Variants in ERCC3 observed in about 807,000 individuals in gnomAD.
ERCC3 encodes the protein general transcription and DNA repair factor IIH helicase/translocase subunit XPB.
Under a neutral mutation model 94.2 loss-of-function variants are expected in ERCC3, and 66 were observed. The ratio of observed to expected loss-of-function variants is 0.70; its 90% confidence interval spans 0.57 to 0.86. The LOEUF is 0.86. ERCC3 is among the 40% of genes least tolerant of loss of function. The pLI is 0.00. For missense variants in ERCC3, 829 were observed against 987.1 expected, an observed-to-expected ratio of 0.84 and a Z score of 2.15; for synonymous variants, 349 against 369.1, an observed-to-expected ratio of 0.95 and a Z score of 0.63.
chr2:127,280,406 G>A lies in ERCC3; in HGVS notation c.1527+41C>T. 1 of 1,569,104 alleles carries A rather than the reference G, an allele frequency of 6.4e-7. No individual in the cohort carries two copies. The highest frequency in any genetic ancestry group is 8.7e-7 in the Non-Finnish European group (1 of 1,149,224). ...TCTGATCACTCCCCTGCCCATAGGA[G>A]GAGGCCCTTTCCCAGACGCCCCCAG... is the stretch of plus-strand genomic sequence containing the variant. On this transcript the variant is annotated intron_variant, in intron 9 of 14. Transcript: ENST00000285398. This position sits in a 1 kb window ranked among gnomAD's most constrained non-coding sequence, Gnocchi z 6.3.
At chr2:127,293,863 C>G (rs1334193128) in intron 1 of ERCC3, 145 bp from the exon 2 acceptor site, 1 of 1,549,292 alleles carries the variant, frequency 6.5e-7, no homozygotes, top group East Asian at 2.4e-5. Context: ...TCACCCGTCT[C>G]CCCTAGGCCG....
At chr2:127,290,424 T>A in intron 3 of ERCC3, 151 bp from the exon 4 acceptor site, 1 of 712,802 alleles carries the variant, frequency 1.4e-6, no homozygotes, top group Non-Finnish European at 2.6e-6. Context: ...CAGATGTGCC[T>A]AAACTGAGCT....
In ERCC3 at chr2:127,280,720, T is replaced by G; in HGVS notation, c.1343-89A>C. On this transcript the variant is annotated intron_variant, in intron 8 of 14. Coordinates refer to ENST00000285398, the MANE Select transcript of ERCC3 (RefSeq NM_000122.2). This position sits in a 1 kb window ranked among gnomAD's most constrained non-coding sequence, Gnocchi z 6.3. The stretch of plus-strand genomic sequence containing the variant: ...TAAAATATTTTTTGTAGAGATGGGG[T>G]CTCATTATATTGCCCAGGCTGGTCT... The G allele has an allele frequency of 8.3e-7, 1 of 1,199,080 alleles. No homozygotes were observed. The highest frequency in any genetic ancestry group is 1.2e-6 in the Non-Finnish European group (1 of 835,210). The allele number at this position is 1,199,080 out of a possible 1,614,324, so 74.3% of individuals were successfully genotyped here.
Position 127,264,910 on chromosome 2 carries a change from C to T in ERCC3, c.1946-3564G>A, listed in dbSNP as rs1306370244. On this transcript the variant is annotated intron_variant, in intron 12 of 14. Transcript: ENST00000285398. The surrounding 1 kb of genome is among the most constrained non-coding windows in gnomAD (Gnocchi z 4.4). ...TCACCCAGGCTGGAGTGCAGTGGCA[C>T]GATCTCAGCTCACTGCAACCTCCAC... is the stretch of plus-strand genomic sequence containing the variant. 2.0e-5 allele frequency among the ~76,000 whole-genome samples: 3 copies of T among 150,794 alleles called. No individual in the cohort carries two copies. Among genetic ancestry groups the T allele is most frequent in the Non-Finnish European group, 4.4e-5 (3 of 67,810 alleles).
chr2:127,262,180 T>G (rs925268604), intron 12 of ERCC3: 9 of 152,416 alleles, frequency 5.9e-5, no homozygotes, highest in African/African-American at 2.2e-4. Context: ...GATGCTACAA[T>G]ATAGATAATC....
At position 127,280,354 on chromosome 2, in the gene ERCC3, G is replaced by T; in HGVS notation, c.1527+93C>A. 1 of 1,194,584 alleles carries T rather than the reference G, an allele frequency of 8.4e-7. No individual in the cohort carries two copies. The highest frequency in any genetic ancestry group is 1.2e-6 in the Non-Finnish European group (1 of 821,980). The allele number at this position is 1,194,584 out of a possible 1,614,324, so 74.0% of individuals were successfully genotyped here. On this transcript the variant is annotated intron_variant, in intron 9 of 14. Coordinates refer to ENST00000285398, the MANE Select transcript of ERCC3 (RefSeq NM_000122.2). This position sits in a 1 kb window ranked among gnomAD's most constrained non-coding sequence, Gnocchi z 6.3. ...GTGGTAGCAGGTGAGCCTAAGTCCT[G>T]ACCTGTGTCTGCCCATGAGGAATCG...
At chr2:127,263,074 G>A (rs1474585800) in intron 12 of ERCC3, among the ~76,000 whole-genome samples, 1 of 152,244 alleles carries the variant, frequency 6.6e-6, no homozygotes, top group Non-Finnish European at 1.5e-5. Context: ...CTGTAGCATA[G>A]TTTGAAGTTG....
intron 8 of ERCC3, among the ~76,000 whole-genome samples, chr2:127,285,702 T>A (rs1002163312): frequency 3.3e-5 from 5 of 149,974 alleles, no homozygotes; most frequent in African/African-American, 1.2e-4. Context: ...TAAAAAAAAA[T>A]TAGCCGGGTG....
chr2:127,289,220 A>C (rs2104775405), intron 6 of ERCC3, 117 bp downstream of exon 6: 1 of 892,960 alleles, frequency 1.1e-6, no homozygotes, highest in African/African-American at 1.6e-5. Flanking sequence ...AAAGCAATTC[A>C]GGGACCAACA....
chr2:127,290,573 A>C (rs1685236069), intron 3 of ERCC3: 1 of 456,710 alleles, frequency 2.2e-6, no homozygotes, highest in African/African-American at 2.0e-5. Context: ...CCCCCACCCT[A>C]GTCTAGAGAA....
At chr2:127,261,071 C>A in intron 13 of ERCC3, 157 bp downstream of exon 13, 1 of 684,230 alleles carries the variant, frequency 1.5e-6, no homozygotes, top group South Asian at 1.6e-5. Flanking sequence ...CAGCTGCCCT[C>A]AGAGATTCAT....
At position 127,258,325 on chromosome 2, in the gene ERCC3, C is replaced by T. The variant is rs1684084025; in HGVS notation, c.2218-598G>A. Among the ~76,000 whole-genome samples, 1 of 152,158 alleles carries T rather than the reference C, an allele frequency of 6.6e-6. No individual in the cohort carries two copies. Among genetic ancestry groups the T allele is most frequent in the African/African-American group, 2.4e-5 (1 of 41,420 alleles). ...TTGAATCAAGTGGAAGGACAGAAAG[C>T]CCTGGGCTTGACTCTTGGCTCCTCC... On this transcript the variant is annotated intron_variant, in intron 14 of 14. Transcript: ENST00000285398. The surrounding 1 kb of genome is among the most constrained non-coding windows in gnomAD (Gnocchi z 4.1).
At chr2:127,289,659 C>G (rs370456132) in intron 5 of ERCC3, 30 bp downstream of exon 5, 15 of 1,613,774 alleles carry the variant, frequency 9.3e-6, no homozygotes, top group African/African-American at 1.3e-5. Context: ...TGCCTGCCCC[C>G]ACCCAAGGGT....
intron 7 of ERCC3, 110 bp downstream of exon 7, chr2:127,288,550 G>A (rs1049652732): frequency 3.1e-6 from 3 of 966,196 alleles, no homozygotes; most frequent in Non-Finnish European, 5.1e-6. Flanking sequence ...ACCTGATCTT[G>A]GCTTTTCAGC....
intron 12 of ERCC3, among the ~76,000 whole-genome samples, chr2:127,266,709 A>T (rs866504235): frequency 1.7e-3 from 147 of 87,346 alleles, no homozygotes; most frequent in East Asian, 4.8e-3. Flanking sequence ...ATGATCAATT[A>T]TTTTTTTTTT....
intron 12 of ERCC3, among the ~76,000 whole-genome samples, chr2:127,269,973 A>G (rs894583130): frequency 6.6e-6 from 1 of 152,154 alleles, no homozygotes; most frequent in African/African-American, 2.4e-5. Context: ...GTGAGCCGAG[A>G]TTGTGCCACT....
chr2:127,289,429 T>C lies in ERCC3; in HGVS notation c.730A>G (p.Ile244Val). 9 of 1,613,210 alleles carry C rather than the reference T, an allele frequency of 5.6e-6. No homozygotes were observed. Among genetic ancestry groups the C allele is most frequent in the Non-Finnish European group, 7.6e-6 (9 of 1,179,840 alleles). Reference protein sequence around the residue: ...RVTDPQGKSDIPMDLFDFYEQ... With the variant: ...RVTDPQGKSDVPMDLFDFYEQ... ...TAGAAGTCAAACAGGTCCATGGGGA[T>C]GTCAGATTTACCCTGTGGATCTGTC... Residue 244 changes from isoleucine (I) to valine (V), a missense_variant, in exon 6 of 15, where the codon ATC becomes GTC. Coordinates refer to ENST00000285398, the MANE Select transcript of ERCC3 (RefSeq NM_000122.2).
At chr2:127,266,635 C>A (rs553171471) in intron 12 of ERCC3, among the ~76,000 whole-genome samples, 79 of 151,922 alleles carry the variant, frequency 5.2e-4, no homozygotes, top group Non-Finnish European at 9.4e-4. Context: ...CCACACCCTG[C>A]CGAATTTATT....
In ERCC3 at chr2:127,284,804, C is replaced by T. The variant is rs181326833; in HGVS notation, c.1342+1899G>A. 2.8e-3 allele frequency among the ~76,000 whole-genome samples: 429 copies of T among 152,212 alleles called. No homozygotes were observed. The highest frequency in any genetic ancestry group is 5.1e-3 in the Non-Finnish European group (348 of 68,004). ...GTTCAAGTGATCCTCCCACCTCAGC[C>T]TCCTCAGCAGCTGAGACCACAGGTG... On this transcript the variant is annotated intron_variant, in intron 8 of 14. Coordinates refer to ENST00000285398, the MANE Select transcript of ERCC3 (RefSeq NM_000122.2). The surrounding 1 kb of genome is among the most constrained non-coding windows in gnomAD (Gnocchi z 4.1).
Sources: gnomAD v4.1 joint callset for allele counts (sites outside exome capture counted in the v4.1 genomes callset) on GRCh38, gnomAD v4.1.1 for gene constraint, Gnocchi (gnomAD v3.1) non-coding constraint, MANE v1.5 for transcripts, NCBI Gene and HGNC (gene_info 2026-07-23, HGNC 2026-07-21) for gene names.